NF1: variants seen among roughly 807,000 people sequenced by gnomAD.
NF1 encodes neurofibromin 1.
In NF1, 122 loss-of-function variants were observed where a neutral mutation model predicts 325.7. The observed-to-expected ratio is 0.37, with a 90% CI of 0.32 to 0.44. The LOEUF (loss-of-function observed/expected upper bound fraction) is 0.44. NF1 is among the 20% of genes least tolerant of loss of function. The pLI is 1.00. For synonymous variants in NF1, 1,091 were observed against 1,186.0 expected (o/e 0.92, Z 1.65); for missense variants, 2,140 against 3,415.4 (o/e 0.63, Z 9.31).
chr17:31,103,241 T>A (rs1223015519), intron 1 of NF1, among the ~76,000 whole-genome samples: 1 of 152,098 alleles, frequency 6.6e-6, no homozygotes, highest in Non-Finnish European at 1.5e-5. Flanking sequence ...TCAAATCTGC[T>A]TTATTATTAT....
intron 36 of NF1, among the ~76,000 whole-genome samples, chr17:31,315,689 T>C (rs1413578342): frequency 6.6e-6 from 1 of 152,320 alleles, no homozygotes; most frequent in East Asian, 1.9e-4. Flanking sequence ...TATAAGCTTA[T>C]TGTGGAATTA....
At chr17:31,365,596 A>G (rs2151593254) in intron 57 of NF1, among the ~76,000 whole-genome samples, 1 of 152,316 alleles carries the variant, frequency 6.6e-6, no homozygotes, top group Non-Finnish European at 1.5e-5. Context: ...AGTGCACTGT[A>G]GAAAATACCA....
intron 36 of NF1, among the ~76,000 whole-genome samples, chr17:31,266,593 A>G (rs2067794178): frequency 6.6e-6 from 1 of 152,200 alleles, no homozygotes; most frequent in Non-Finnish European, 1.5e-5. Flanking sequence ...CCAACCTTTA[A>G]TACAACCAGG....
Position 31,336,590 on chromosome 17 carries a change from T to C in NF1, c.6148-45T>C. The C allele has an allele frequency of 1.9e-6, 3 of 1,546,622 alleles. No individual in the cohort carries two copies. Among genetic ancestry groups the C allele is most frequent in the African/African-American group, 1.6e-5 (1 of 63,316 alleles). ...AACTTTTTTGTGCTAAAACTTTGAG[T>C]CCCATGTTTTTTTTTTTAAAAAAAA... On this transcript the variant is annotated intron_variant, in intron 41 of 57. Coordinates refer to ENST00000358273, the MANE Select transcript of NF1 (RefSeq NM_001042492.3). The surrounding 1 kb of genome is among the most constrained non-coding windows in gnomAD (Gnocchi z 5.5).
chr17:31,110,781 A>G (rs145016810), intron 1 of NF1, among the ~76,000 whole-genome samples: 1 of 152,304 alleles, frequency 6.6e-6, no homozygotes, highest in African/African-American at 2.4e-5. Flanking sequence ...TGAACATTCT[A>G]GGAATCAAAA....
At chr17:31,281,901 A>T (rs1567872766) in intron 36 of NF1, among the ~76,000 whole-genome samples, 1 of 151,852 alleles carries the variant, frequency 6.6e-6, no homozygotes, top group East Asian at 1.9e-4. Flanking sequence ...TACAAAAAAA[A>T]TTGCAAAAAT....
At chr17:31,218,033 C>T (rs533574116) in intron 13 of NF1, among the ~76,000 whole-genome samples, 3 of 151,986 alleles carry the variant, frequency 2.0e-5, no homozygotes, top group East Asian at 1.9e-4. Flanking sequence ...TGAAAAGGAC[C>T]GAAGTATGGG....
chr17:31,168,907 T>TCAA (rs2065888648), intron 4 of NF1, among the ~76,000 whole-genome samples: 1 of 152,214 alleles, frequency 6.6e-6, no homozygotes, highest in African/African-American at 2.4e-5. Context: ...TTTAAAATTG[T>TCAA]GACTTCTATG....
At chr17:31,309,205 C>T (rs547784641) in intron 36 of NF1, among the ~76,000 whole-genome samples, 1 of 152,302 alleles carries the variant, frequency 6.6e-6, no homozygotes, top group Admixed American at 6.5e-5. Context: ...TTTATTGCCT[C>T]ATGTTTTTAT....
chr17:31,191,638 G>T (rs2066344023), intron 8 of NF1, among the ~76,000 whole-genome samples: 1 of 152,166 alleles, frequency 6.6e-6, no homozygotes, highest in Admixed American at 6.5e-5. Flanking sequence ...TATTGCAAAG[G>T]AGCAGTAGGG....
At chr17:31,095,435 A>T in intron 1 of NF1, 66 bp downstream of exon 1, 1 of 1,430,988 alleles carries the variant, frequency 7.0e-7, no homozygotes, top group Non-Finnish European at 9.3e-7. Flanking sequence ...AGGTGAGGGG[A>T]GGTAGGAGCG....
At chr17:31,226,831 A>T in intron 18 of NF1, 147 bp downstream of exon 18, 1 of 1,118,606 alleles carries the variant, frequency 8.9e-7, no homozygotes, top group Non-Finnish European at 1.3e-6. Context: ...ACAAAGTAAG[A>T]TGAAAATAAA....
chr17:31,108,010 G>A (rs1484399383), intron 1 of NF1, among the ~76,000 whole-genome samples: 2 of 151,880 alleles, frequency 1.3e-5, no homozygotes, highest in Non-Finnish European at 2.9e-5. Context: ...GTGCATGCCT[G>A]TAGTCCCAGG....
intron 4 of NF1, among the ~76,000 whole-genome samples, chr17:31,165,946 C>A (rs1375451031): frequency 6.6e-6 from 1 of 152,166 alleles, no homozygotes; most frequent in Non-Finnish European, 1.5e-5. Context: ...CCTGCCTTGG[C>A]CTCCCAAAGT....
At chr17:31,340,847 C>CAAAAAAAAAA (rs1051607259) in intron 47 of NF1, among the ~76,000 whole-genome samples, 1 of 62,590 alleles carries the variant, frequency 1.6e-5, no homozygotes, top group African/African-American at 5.1e-5. Flanking sequence ...ATAAAAATAG[C>CAAAAAAAAAA]AAAAAAAAAA....
At chr17:31,095,394 G>A (rs1487278525) in intron 1 of NF1, 25 bp downstream of exon 1, 2 of 1,536,816 alleles carry the variant, frequency 1.3e-6, no homozygotes, top group Non-Finnish European at 1.7e-6. Context: ...GCGGGCGGGA[G>A]GTGGGAGCGG....
intron 1 of NF1, among the ~76,000 whole-genome samples, chr17:31,098,894 T>C (rs1912034526): frequency 7.3e-6 from 1 of 137,128 alleles, no homozygotes. Flanking sequence ...ATTGCGCCAC[T>C]GCACTCCAGC....
chr17:31,314,927 A>G (rs138004706), intron 36 of NF1, among the ~76,000 whole-genome samples: 2 of 152,292 alleles, frequency 1.3e-5, no homozygotes, highest in East Asian at 3.9e-4. Context: ...CTAACAGCGT[A>G]CGAGAGTTCC....
intron 36 of NF1, among the ~76,000 whole-genome samples, chr17:31,309,879 T>C (rs1021188661): frequency 1.3e-5 from 2 of 152,232 alleles, no homozygotes; most frequent in Admixed American, 1.3e-4. Flanking sequence ...ATTCCATTTT[T>C]TGCCTATCCT....
Sources: allele counts gnomAD v4.1 joint callset (sites outside exome capture counted in the v4.1 genomes callset), GRCh38; gene constraint gnomAD v4.1.1; non-coding constraint Gnocchi (gnomAD v3.1); transcripts MANE v1.5; gene names NCBI Gene and HGNC (gene_info 2026-07-23, HGNC 2026-07-21).